IGSF9: variants seen among roughly 807,000 people sequenced by gnomAD.
IGSF9 encodes protein turtle homolog A.
A neutral mutation model predicts 121.7 loss-of-function variants in IGSF9; 87 were observed. The observed-to-expected ratio is 0.71, with a 90% CI of 0.60 to 0.85. The LOEUF (loss-of-function observed/expected upper bound fraction) is 0.85, where lower values mean the gene tolerates loss of function less well. Among genes scored for constraint, IGSF9 ranks in the 40% least tolerant of loss-of-function variants. The probability of loss-of-function intolerance (pLI) is 0.00; values close to 1 mark genes in which losing one functional copy is unlikely to be tolerated. For synonymous variants in IGSF9, 640 were observed against 648.4 expected, an observed-to-expected ratio of 0.99 and a Z score of 0.20; for missense variants, 1,462 against 1,565.3, an observed-to-expected ratio of 0.93 and a Z score of 1.11.
intron 7 of IGSF9, 36 bp from the exon 8 acceptor site, chr1:159,934,606 T>C: frequency 6.2e-7 from 1 of 1,613,280 alleles, no homozygotes; most frequent in African/African-American, 1.3e-5. Flanking sequence ...GGTCCAGGCC[T>C]TGCCCAGCCA....
At position 159,934,453 on chromosome 1, in the gene IGSF9, G is replaced by A. The variant is rs1169673188; in HGVS notation, c.933C>T (p.Pro311=). 2.5e-6 allele frequency: 4 copies of A among 1,596,502 alleles called. No homozygotes were observed. The highest frequency in any genetic ancestry group is 3.4e-6 in the Non-Finnish European group (4 of 1,171,574). ...GCACAGTGAGGTAGGCAGAGGCTGAGGGTGGATGCAGGAGGCCATTGCTGG... is the reference window on the plus strand; with the variant it reads ...GCACAGTGAGGTAGGCAGAGGCTGAAGGTGGATGCAGGAGGCCATTGCTGG... The part of the protein sequence containing the change: ...CVPSNGLLHP[P]SASAYLTVLY... Residue 311 remains proline (P), a synonymous_variant, in exon 8 of 21, where the codon CCC becomes CCT. Transcript: ENST00000368094.
At chr1:159,944,364 G>A (rs1651517685) in intron 1 of IGSF9, among the ~76,000 whole-genome samples, 1 of 152,138 alleles carries the variant, frequency 6.6e-6, no homozygotes. Flanking sequence ...GCCAGTATGG[G>A]GGATCCAGGC....
intron 19 of IGSF9, 89 bp from the exon 20 acceptor site, chr1:159,927,976 C>A (rs1016501441): frequency 6.6e-5 from 100 of 1,522,324 alleles, no homozygotes; most frequent in Non-Finnish European, 8.7e-5. Context: ...ACCGCAAACT[C>A]ACGTTAGGTC....
At chr1:159,944,236 C>T (rs1172209382) in intron 1 of IGSF9, among the ~76,000 whole-genome samples, 3 of 152,132 alleles carry the variant, frequency 2.0e-5, no homozygotes, top group African/African-American at 7.2e-5. Flanking sequence ...TTTCCCCAGC[C>T]TCTATGAAAA....
Position 159,931,442 on chromosome 1 carries a change from C to A in IGSF9, c.1513+11G>T. 1 of 1,610,386 alleles carries A rather than the reference C, an allele frequency of 6.2e-7. No homozygotes were observed. Among genetic ancestry groups the A allele is most frequent in the South Asian group, 1.1e-5 (1 of 90,996 alleles). ...TTCTCCCAGCCCCTGGCCCTCTCTC[C>A]AGCCACTAACCCAGCACGTAGACGT... On this transcript the variant is annotated intron_variant, in intron 12 of 20. Coordinates refer to ENST00000368094, the MANE Select transcript of IGSF9 (RefSeq NM_001135050.2). This position sits in a 1 kb window ranked among gnomAD's most constrained non-coding sequence, Gnocchi z 4.8.
At position 159,943,135 on chromosome 1, in the gene IGSF9, C is replaced by T. The variant is rs763398530; in HGVS notation, c.75G>A (p.Glu25=). The change falls in exon 3 of 21, where the codon GAG becomes GAA. Residue 25 remains glutamate (E), a synonymous_variant. Transcript: ENST00000368094. ...SQGADGRGKP[E]VVSVVGRAGE... ...CAGCCCGGCCCACCACCGATACCAC[C>T]TCAGGCTTCCCTCGACCTGCATGAT... is the stretch of plus-strand genomic sequence containing the variant. 2.5e-6 allele frequency: 4 copies of T among 1,595,098 alleles called. No homozygotes were observed. In the South Asian group the frequency reaches 4.5e-5, roughly 18 times the overall value.
chr1:159,927,224 T>A lies in IGSF9; in HGVS notation c.*121A>T, dbSNP rs1385060572. ...AGGTGACCCAAACCCACTATCAGGG[T>A]CTGTGCCTGGGCACCAAAGGGGCAG... On this transcript the variant is annotated 3_prime_UTR_variant, in exon 21 of 21. Transcript: ENST00000368094. 3 of 1,194,974 alleles carry A rather than the reference T, an allele frequency of 2.5e-6. No individual in the cohort carries two copies. The highest frequency in any genetic ancestry group is 3.7e-6 in the Non-Finnish European group (3 of 812,880). The allele number at this position is 1,194,974 out of a possible 1,614,324, so 74.0% of individuals were successfully genotyped here. A position where few individuals can be genotyped will look rare whatever the true frequency, so the allele number is the denominator to read the frequency against.
At chr1:159,929,277 C>G in intron 18 of IGSF9, 74 bp downstream of exon 18, 1 of 1,546,998 alleles carries the variant, frequency 6.5e-7, no homozygotes, top group South Asian at 1.1e-5. Context: ...GGTAAAGATG[C>G]AAAAAAGGAA....
intron 20 of IGSF9, 82 bp downstream of exon 20, chr1:159,927,678 T>G: frequency 1.3e-6 from 2 of 1,560,114 alleles, no homozygotes; most frequent in Non-Finnish European, 1.7e-6. Flanking sequence ...AGGGCCTGAC[T>G]GGGAATAGAT....
Position 159,936,906 on chromosome 1 carries a change from G to A in IGSF9, c.403C>T (p.Pro135Ser), listed in dbSNP as rs1216794507. 4 of 1,614,120 alleles carry A rather than the reference G, an allele frequency of 2.5e-6. No homozygotes were observed. The highest frequency in any genetic ancestry group is 3.4e-6 in the Non-Finnish European group (4 of 1,179,968). The change falls in exon 5 of 21, where the codon CCC becomes TCC. Residue 135 changes from proline (P) to serine (S), a missense_variant and splice_region_variant. By Grantham distance (74) the Pro-to-Ser change is moderately conservative. Transcript: ENST00000368094. ...GGAGGTGTCTCCTGGAATTGAGGGG[G>A]TGCTGCAAGGGAGACAGGCATCAGG... ...GSWVHLTVNS[P>S]PQFQETPPAV...
intron 6 of IGSF9, 50 bp downstream of exon 6, chr1:159,936,349 G>A (rs758785609): frequency 2.7e-6 from 4 of 1,495,898 alleles, no homozygotes; most frequent in Middle Eastern, 1.7e-4. Flanking sequence ...ACAGGTCACA[G>A]CCCCCTTGCA....
intron 1 of IGSF9, among the ~76,000 whole-genome samples, chr1:159,945,198 C>A (rs1021131759): frequency 6.6e-6 from 1 of 151,860 alleles, no homozygotes; most frequent in Non-Finnish European, 1.5e-5. Flanking sequence ...GTCTCCCCAC[C>A]CCCCAGCCAC....
Position 159,932,405 on chromosome 1 carries a change from C to A in IGSF9, c.1245+107G>T. ...ACCATGGGAAACAAACTTGGAAACC[C>A]CTCCCCATGTGTCTGCCCCACCCCA... On this transcript the variant is annotated intron_variant, in intron 10 of 20. Transcript: ENST00000368094. This position sits in a 1 kb window ranked among gnomAD's most constrained non-coding sequence, Gnocchi z 4.1. 8.5e-7 allele frequency: 1 copy of A among 1,183,276 alleles called. No individual in the cohort carries two copies. Among genetic ancestry groups the A allele is most frequent in the Non-Finnish European group, 1.2e-6 (1 of 833,640 alleles). 73.3% of individuals were successfully genotyped at this position (1,183,276 alleles called of 1,614,324 possible).
Position 159,929,650 on chromosome 1 carries a change from G to A in IGSF9, c.2314C>T (p.Arg772Cys). The change falls in exon 17 of 21, where the codon CGC becomes TGC. Residue 772 changes from arginine (R) to cysteine (C), a missense_variant. Physicochemically the swap from Arg to Cys is radical, Grantham distance 180. Around this residue, in one of 3 missense-constraint regions of IGSF9, gnomAD observed 808 missense variants for 815.2 expected, o/e 0.99. Transcript: ENST00000368094. Reference protein sequence around the residue: ...RRRAARRRRKRLRQDPPLIFS... With the variant: ...RRRAARRRRKCLRQDPPLIFS... ...TGGAGGGACTTACCTTGGCGGAGGCGCTTGCGGCGGCGGCGGGCAGCCCTG... is the reference window on the plus strand; with the variant it reads ...TGGAGGGACTTACCTTGGCGGAGGCACTTGCGGCGGCGGCGGGCAGCCCTG... 2 of 1,593,980 alleles carry A rather than the reference G, an allele frequency of 1.3e-6. No individual in the cohort carries two copies. The highest frequency in any genetic ancestry group is 1.7e-6 in the Non-Finnish European group (2 of 1,171,812).
At chr1:159,930,899 G>C in intron 13 of IGSF9, 32 bp from the exon 14 acceptor site, 1 of 1,562,404 alleles carries the variant, frequency 6.4e-7, no homozygotes, top group South Asian at 1.2e-5. Context: ...GGGGCACCTC[G>C]TGAGCTAGGA....
rs967056123 is a variant in IGSF9 at position 159,928,513 on chromosome 1, G to A, written c.2875C>T (p.Arg959Trp). Residue 959 changes from arginine to tryptophan, a missense_variant, in exon 19 of 21, where the codon CGG becomes TGG. By Grantham distance (101) the Arg-to-Trp change is moderately radical. Transcript: ENST00000368094. ...PAAPPDYMDT[R>W]RCPTSSFLRS... ...AGGAAAGATGAGGTGGGACAGCGCC[G>A]GGTATCCATGTAATCTGGGGGTGCA... The A allele has an allele frequency of 4.5e-6, 7 of 1,567,240 alleles. No homozygotes were observed. The highest frequency in any genetic ancestry group is 1.7e-4 in the Middle Eastern group (1 of 5,874).
At position 159,931,830 on chromosome 1, in the gene IGSF9, A is replaced by C. The variant is rs1219298693; in HGVS notation, c.1344T>G (p.Pro448=). The change falls in exon 11 of 21, where the codon CCT becomes CCG. Residue 448 remains proline, a synonymous_variant. Coordinates refer to ENST00000368094, the MANE Select transcript of IGSF9 (RefSeq NM_001135050.2). The surrounding 1 kb of genome is among the most constrained non-coding windows in gnomAD (Gnocchi z 4.8). Reference sequence around the variant, plus strand: ...GCCTTACCTTGGTCCAAGAGACAACAGGAGGAGGGTCCCCTTGGGCGGAGC... The same window carrying C: ...GCCTTACCTTGGTCCAAGAGACAACCGGAGGAGGGTCCCCTTGGGCGGAGC... The part of the protein sequence containing the change: ...IPCSAQGDPP[P]VVSWTKVGRG... 1.9e-6 allele frequency: 3 copies of C among 1,584,514 alleles called. No individual in the cohort carries two copies. In the South Asian group the frequency reaches 3.5e-5, roughly 18 times the overall value.
In IGSF9 at chr1:159,928,524, T is replaced by C; in HGVS notation, c.2864A>G (p.Tyr955Cys). The change falls in exon 19 of 21, where the codon TAC becomes TGC. Residue 955 changes from tyrosine to cysteine, a missense_variant. By Grantham distance (194) the Tyr-to-Cys change is radical. This residue lies in a region of IGSF9 where 808 missense variants were observed against 815.2 expected (regional missense o/e 0.99). Transcript: ENST00000368094. ...GGTGGGACAGCGCCGGGTATCCATG[T>C]AATCTGGGGGTGCAGCAGGGCTGGG... is the stretch of plus-strand genomic sequence containing the variant. ...EEPSPAAPPD[Y>C]MDTRRCPTSS... 1 of 1,563,634 alleles carries C rather than the reference T, an allele frequency of 6.4e-7. No homozygotes were observed. The highest frequency in any genetic ancestry group is 1.2e-5 in the South Asian group (1 of 83,926).
At position 159,934,335 on chromosome 1, in the gene IGSF9, G is replaced by A. The variant is rs1444343555; in HGVS notation, c.962-3C>T. The A allele has an allele frequency of 1.3e-6, 2 of 1,587,672 alleles. No homozygotes were observed. The highest frequency in any genetic ancestry group is 1.1e-5 in the South Asian group (1 of 87,866). On this transcript the variant is annotated splice_polypyrimidine_tract_variant and splice_region_variant and intron_variant, in intron 8 of 20. Coordinates refer to ENST00000368094, the MANE Select transcript of IGSF9 (RefSeq NM_001135050.2). Reference sequence around the variant, plus strand: ...CATAGCTGTCACCTGGGCTGGGTCTGGGGGAAAGTAGTGGCAAGTTGGGGG... The same window carrying A: ...CATAGCTGTCACCTGGGCTGGGTCTAGGGGAAAGTAGTGGCAAGTTGGGGG...
Sources: allele counts gnomAD v4.1 joint callset (sites outside exome capture counted in the v4.1 genomes callset), GRCh38; gene constraint gnomAD v4.1.1; regional missense constraint gnomAD v4.1.1; non-coding constraint Gnocchi (gnomAD v3.1); transcripts MANE v1.5; gene names NCBI Gene and HGNC (gene_info 2026-07-23, HGNC 2026-07-21).